THUMPD1: variants seen among roughly 807,000 people sequenced by gnomAD.
The protein encoded by THUMPD1 is THUMP domain 1 NAT10 acetyltransferase adaptor.
In THUMPD1, 31 loss-of-function variants were observed where a neutral mutation model predicts 31.6. The ratio of observed to expected loss-of-function variants is 0.98; its 90% confidence interval spans 0.74 to 1.32. The LOEUF (loss-of-function observed/expected upper bound fraction) is 1.32. THUMPD1 is among the 40% of genes most tolerant of loss of function. The probability of loss-of-function intolerance (pLI) is 0.00; values close to 1 mark genes in which losing one functional copy is unlikely to be tolerated. For synonymous variants in THUMPD1, 166 were observed against 158.2 expected (o/e 1.05, Z -0.37); for missense variants, 446 against 427.8 (o/e 1.04, Z -0.38).
rs1020335127 is a variant in THUMPD1 at position 20,735,410 on chromosome 16, G to C, written c.*1470C>G. On this transcript the variant is annotated 3_prime_UTR_variant, in exon 4 of 4. Coordinates refer to ENST00000396083, the MANE Select transcript of THUMPD1 (RefSeq NM_017736.5). ...TTTTTTTAACATTTTTGCATAAATG[G>C]GTCTTTGATACAGGTAACCAGTTTT... 2.6e-5 allele frequency: 4 copies of C among 150,956 alleles called. No individual in the cohort carries two copies. Among genetic ancestry groups the C allele is most frequent in the African/African-American group, 9.7e-5 (4 of 41,090 alleles). 9.4% of individuals were successfully genotyped at this position (150,956 alleles called of 1,614,324 possible).
At chr16:20,741,248 A>C (rs1483874410) in intron 1 of THUMPD1, among the ~76,000 whole-genome samples, 1 of 152,188 alleles carries the variant, frequency 6.6e-6, no homozygotes, top group Non-Finnish European at 1.5e-5. Context: ...CTGTCTCACA[A>C]AAATAAAAAT....
Position 20,737,876 on chromosome 16 carries a change from A to C in THUMPD1, c.487T>G (p.Leu163Val). ...GCCTTGCATGTGCCTGAGATGGGTA[A>C]CATTCGCAAAATAACTCGAGTCTTC... ...KKKTRVILRMLPISGTCKAFL... is the reference protein window; with the variant it reads ...KKKTRVILRMVPISGTCKAFL... The change falls in exon 3 of 4, where the codon TTA becomes GTA. Residue 163 changes from leucine to valine, a missense_variant. Physicochemically the swap from Leu to Val is conservative, Grantham distance 32 (BLOSUM62 1). Transcript: ENST00000396083. 1 of 1,613,952 alleles carries C rather than the reference A, an allele frequency of 6.2e-7. No individual in the cohort carries two copies. Among genetic ancestry groups the C allele is most frequent in the Non-Finnish European group, 8.5e-7 (1 of 1,179,918 alleles).
chr16:20,740,025 A>T (rs12448683), intron 1 of THUMPD1, among the ~76,000 whole-genome samples: 24,162 of 152,202 alleles, frequency 0.16, 2,577 homozygotes, highest in East Asian at 0.42. Flanking sequence ...TTTTGGTGAG[A>T]TTAGACCAAA....
chr16:20,737,390 T>A, intron 3 of THUMPD1, 104 bp from the exon 4 acceptor site: 1 of 1,164,180 alleles, frequency 8.6e-7, no homozygotes, highest in Non-Finnish European at 1.2e-6. Flanking sequence ...AGACATACAG[T>A]AATCCACTCT....
chr16:20,736,052 TA>T lies in THUMPD1; in HGVS notation c.*827del, dbSNP rs1471679702. On this transcript the variant is annotated 3_prime_UTR_variant, in exon 4 of 4. Coordinates refer to ENST00000396083, the MANE Select transcript of THUMPD1 (RefSeq NM_017736.5). ...CCAAAAGCCATTTGAAAATAATGAA[TA>T]TCCTTTCTTGTCAAGTGGCTGTGAT... The T allele has an allele frequency of 6.6e-6, 1 of 152,232 alleles. No homozygotes were observed. Among genetic ancestry groups the T allele is most frequent in the Non-Finnish European group, 1.5e-5 (1 of 68,042 alleles). The allele number at this position is 152,232 out of a possible 1,614,324, so 9.4% of individuals were successfully genotyped here.
Position 20,734,453 on chromosome 16 carries a change from C to G in THUMPD1, c.*2427G>C, listed in dbSNP as rs745990529. 5 of 152,324 alleles carry G rather than the reference C, an allele frequency of 3.3e-5. No individual in the cohort carries two copies. The highest frequency in any genetic ancestry group is 2.9e-5 in the Non-Finnish European group (2 of 67,998). The allele number at this position is 152,324 out of a possible 1,614,324, so 9.4% of individuals were successfully genotyped here. ...GAAGGTCCTGCCTATTCTCTTTGCC[C>G]CTCTCAAATCATTCTAGTCTGGTTT... On this transcript the variant is annotated 3_prime_UTR_variant, in exon 4 of 4. Coordinates refer to ENST00000396083, the MANE Select transcript of THUMPD1 (RefSeq NM_017736.5).
Position 20,734,048 on chromosome 16 carries a change from G to A in THUMPD1, c.*2832C>T, listed in dbSNP as rs184650960. The A allele has an allele frequency of 7.2e-5, 11 of 152,240 alleles. No individual in the cohort carries two copies. The South Asian group carries it at 1.0e-3, about 14-fold the overall frequency. 9.4% of individuals were successfully genotyped at this position (152,240 alleles called of 1,614,324 possible). ...CTTTTAATGAGTTCAGGTTACAACC[G>A]AACACAGGATTTTGTAACTGGGAAA... On this transcript the variant is annotated 3_prime_UTR_variant, in exon 4 of 4. Transcript: ENST00000396083.
intron 1 of THUMPD1, among the ~76,000 whole-genome samples, chr16:20,740,621 A>C (rs1310165623): frequency 2.0e-5 from 3 of 152,174 alleles, no homozygotes; most frequent in African/African-American, 7.2e-5. Flanking sequence ...GCATCAAATA[A>C]TGTGCCCATG....
At chr16:20,737,319 G>T in intron 3 of THUMPD1, 33 bp from the exon 4 acceptor site, 2 of 1,571,500 alleles carry the variant, frequency 1.3e-6, no homozygotes, top group Non-Finnish European at 1.7e-6. Flanking sequence ...CATAGCTGAG[G>T]AGGATACCAT....
intron 1 of THUMPD1, among the ~76,000 whole-genome samples, chr16:20,741,094 T>A (rs2079915291): frequency 6.6e-6 from 1 of 152,050 alleles, no homozygotes; most frequent in South Asian, 2.1e-4. Flanking sequence ...TGAGACCCCT[T>A]ATCTACAATT....
chr16:20,738,154 T>C (rs2079886739), intron 2 of THUMPD1, 198 bp from the exon 3 acceptor site: 2 of 666,376 alleles, frequency 3.0e-6, no homozygotes, highest in Non-Finnish European at 5.4e-6. Flanking sequence ...CTAATATATT[T>C]TAACTTTTCA....
Position 20,739,000 on chromosome 16 carries a change from T to C in THUMPD1, c.303A>G (p.Lys101=). 1 of 1,614,244 alleles carries C rather than the reference T, an allele frequency of 6.2e-7. No homozygotes were observed. The highest frequency in any genetic ancestry group is 8.5e-7 in the Non-Finnish European group (1 of 1,180,038). Residue 101 remains lysine (K), a synonymous_variant, in exon 2 of 4, where the codon AAA becomes AAG. Coordinates refer to ENST00000396083, the MANE Select transcript of THUMPD1 (RefSeq NM_017736.5). ...TAGATGCCTTAATGTCACCAACTTCTTTCTTCAAGGCAGCCTCCGCATCAT... is the reference window on the plus strand; with the variant it reads ...TAGATGCCTTAATGTCACCAACTTCCTTCTTCAAGGCAGCCTCCGCATCAT... ...EDDDAEAALK[K]EVGDIKASTE...
intron 2 of THUMPD1, chr16:20,738,161 T>G (rs955177234): frequency 3.3e-5 from 21 of 632,294 alleles, no homozygotes; most frequent in African/African-American, 7.3e-5. Flanking sequence ...ATTTTAACTT[T>G]TCATCATTAT....
chr16:20,738,162 T>C (rs2079886848), intron 2 of THUMPD1: 1 of 633,242 alleles, frequency 1.6e-6, no homozygotes, highest in African/African-American at 1.8e-5. Flanking sequence ...TTTTAACTTT[T>C]CATCATTATT....
rs367556167 is a variant in THUMPD1, at chr16:20,737,723, T to C, written c.640A>G (p.Ile214Val). ...AGAAACATACCTGCCAATTCTCTGA[T>C]AACTTCTTCTCTATTCACATGACTG... ...NNSHVNREEV[I>V]RELAGIVCTL... is the part of the protein sequence containing the mutation. The change falls in exon 3 of 4, where the codon ATC becomes GTC. Residue 214 changes from isoleucine (I) to valine (V), a missense_variant. Physicochemically the swap from Ile to Val is conservative, Grantham distance 29 (BLOSUM62 3). Coordinates refer to ENST00000396083, the MANE Select transcript of THUMPD1 (RefSeq NM_017736.5). 18 of 1,607,534 alleles carry C rather than the reference T, an allele frequency of 1.1e-5. No individual in the cohort carries two copies. The highest frequency in any genetic ancestry group is 2.7e-5 in the African/African-American group (2 of 74,686).
rs150520129 is a variant in THUMPD1, at chr16:20,736,891, C to A, written c.1051G>T (p.Asp351Tyr). Residue 351 changes from aspartate (D) to tyrosine (Y), a missense_variant, in exon 4 of 4, where the codon GAC becomes TAC. Physicochemically the swap from Asp to Tyr is radical, Grantham distance 160 (BLOSUM62 -3). Transcript: ENST00000396083. ...CACCAAATGACTTCCTATGAGAAGT[C>A]ATTTTCATTTGACTTGGATCCTTCT... ...ATEGSKSNEN[D>Y]FS The A allele has an allele frequency of 2.5e-5, 40 of 1,613,748 alleles. No homozygotes were observed. The African/African-American group carries it at 5.1e-4, about 20-fold the overall frequency.
rs2079892109 is a variant in THUMPD1 at position 20,738,763 on chromosome 16, TAC to T, written c.406+132_406+133del. The T allele has an allele frequency of 6.9e-6, 7 of 1,007,510 alleles. No individual in the cohort carries two copies. In the South Asian group the frequency reaches 1.1e-4, roughly 15 times the overall value. 62.4% of individuals were successfully genotyped at this position (1,007,510 alleles called of 1,614,324 possible). ...TACCTCTCCACAGGCCAACTGCTAA[TAC>T]AGTGTACAGAAGCTGCCATCAAATG... On this transcript the variant is annotated intron_variant, in intron 2 of 3. Coordinates refer to ENST00000396083, the MANE Select transcript of THUMPD1 (RefSeq NM_017736.5).
At position 20,738,880 on chromosome 16, in the gene THUMPD1, G is replaced by A; in HGVS notation, c.406+17C>T. On this transcript the variant is annotated intron_variant, in intron 2 of 3. Coordinates refer to ENST00000396083, the MANE Select transcript of THUMPD1 (RefSeq NM_017736.5). The stretch of plus-strand genomic sequence containing the variant: ...AGATGTTATGAGATCGATAATCTTA[G>A]CAAGTATTTGTCACACCTATCCCAA... 6.2e-7 allele frequency: 1 copy of A among 1,612,366 alleles called. No homozygotes were observed. Among genetic ancestry groups the A allele is most frequent in the Non-Finnish European group, 8.5e-7 (1 of 1,178,716 alleles).
chr16:20,741,579 T>C lies in THUMPD1; in HGVS notation c.161A>G (p.Glu54Gly). 6.4e-7 allele frequency: 1 copy of C among 1,557,402 alleles called. No individual in the cohort carries two copies. ...QGILITCNMN[E>G]RKCVEEAYSL... ...GTAGGCCTCCTCCACGCACTTGCGC[T>C]CGTTCATATTGCAGGTGATGAGGAT... Residue 54 changes from glutamate to glycine, a missense_variant, in exon 1 of 4, where the codon GAG (glutamate) becomes GGG (glycine). By Grantham distance (98) the Glu-to-Gly change is moderately conservative. Transcript: ENST00000396083.
Sources: gnomAD v4.1 joint callset for allele counts (sites outside exome capture counted in the v4.1 genomes callset) on GRCh38, gnomAD v4.1.1 for gene constraint, MANE v1.5 for transcripts, NCBI Gene and HGNC (gene_info 2026-07-23, HGNC 2026-07-21) for gene names.